The following CLEC2A variants were observed in gnomAD, a reference collection of about 807,000 sequenced individuals.
The protein encoded by CLEC2A is keratinocyte-associated C-type lectin.
CLEC2A carries 19 observed loss-of-function variants against 18.6 expected under a neutral mutation model. The ratio of observed to expected loss-of-function variants is 1.02; its 90% CI spans 0.71 to 1.50. The LOEUF (loss-of-function observed/expected upper bound fraction) is 1.50, where lower values mean the gene tolerates loss of function less well. Ranked by LOEUF, CLEC2A falls within the 40% of genes most tolerant of loss-of-function variation. The probability of loss-of-function intolerance (pLI) is 0.00; values close to 1 mark genes in which losing one functional copy is unlikely to be tolerated. For missense variants in CLEC2A, 190 were observed against 207.9 expected (o/e 0.91, Z 0.53); for synonymous variants, 74 against 64.0 (o/e 1.16, Z -0.75).
the CLEC2A span, among the ~76,000 whole-genome samples, chr12:9,884,442 T>G: frequency 6.6e-6 from 1 of 151,642 alleles, no homozygotes; most frequent in African/African-American, 2.4e-5. Context: ...TAATAGAATT[T>G]TAATAAATAT....
rs499538 is a variant in CLEC2A at position 9,921,949 on chromosome 12, C to T, written c.306+117G>A. On this transcript the variant is annotated intron_variant, in intron 3 of 4. Coordinates refer to ENST00000455827, the MANE Select transcript of CLEC2A (RefSeq NM_001130711.2). ...TAATCCAGGTATAAGTGAACCCACACAGTTCAAACCCATGTTGTTCAAGGA... is the reference window on the plus strand; with the variant it reads ...TAATCCAGGTATAAGTGAACCCACATAGTTCAAACCCATGTTGTTCAAGGA... 76,674 of 863,144 alleles carry T rather than the reference C, an allele frequency of 0.089. 5,023 individuals carry two copies. The highest frequency in any genetic ancestry group is 0.29 in the South Asian group (11,811 of 40,066). 53.5% of individuals were successfully genotyped at this position (863,144 alleles called of 1,614,324 possible). A position where few individuals can be genotyped will look rare whatever the true frequency, so the allele number is the denominator to read the frequency against.
intron 4 of CLEC2A, among the ~76,000 whole-genome samples, chr12:9,903,018 A>G (rs1024331470): frequency 2.0e-5 from 3 of 152,188 alleles, no homozygotes; most frequent in Non-Finnish European, 4.4e-5. Context: ...TGAGGCTGAG[A>G]CATGTCTGGG....
chr12:9,928,698 ATACT>A (rs773397855), intron 1 of CLEC2A, among the ~76,000 whole-genome samples: 31 of 152,246 alleles, frequency 2.0e-4, no homozygotes, highest in Admixed American at 3.3e-4. Context: ...TCTTGAACAA[ATACT>A]TACAGAAGAA....
At chr12:9,877,842 T>C in the CLEC2A span, among the ~76,000 whole-genome samples, 8 of 152,298 alleles carry the variant, frequency 5.3e-5, no homozygotes, top group East Asian at 7.7e-4. Context: ...AATGAATCAA[T>C]ATACGAATGA....
chr12:9,932,038 T>C (rs1373126788), intron 1 of CLEC2A, among the ~76,000 whole-genome samples: 2 of 152,218 alleles, frequency 1.3e-5, no homozygotes, highest in Non-Finnish European at 2.9e-5. Context: ...TGAGATATAA[T>C]ACACGTACCA....
At chr12:9,912,432 A>C (rs1383856765), downstream of CLEC2A, among the ~76,000 whole-genome samples, 1 of 152,082 alleles carries the variant, frequency 6.6e-6, no homozygotes, top group East Asian at 1.9e-4. Flanking sequence ...GTTTGGGGGC[A>C]TGTTTCCCCC....
At chr12:9,908,982 C>T (rs1565528908), downstream of CLEC2A, among the ~76,000 whole-genome samples, 1 of 152,122 alleles carries the variant, frequency 6.6e-6, no homozygotes, top group Non-Finnish European at 1.5e-5. Context: ...CTCACATATA[C>T]CTTTTGAGTT....
At chr12:9,910,831 G>A (rs1862973902), downstream of CLEC2A, among the ~76,000 whole-genome samples, 1 of 152,178 alleles carries the variant, frequency 6.6e-6, no homozygotes, top group South Asian at 2.1e-4. Flanking sequence ...CGCAACGAGA[G>A]AGTGTGACGC....
the CLEC2A span, among the ~76,000 whole-genome samples, chr12:9,879,872 G>A: frequency 3.3e-4 from 50 of 152,328 alleles, no homozygotes; most frequent in African/African-American, 1.2e-3. Flanking sequence ...GGCAAGGCCT[G>A]AACAGTTCCA....
At chr12:9,892,762 T>G in the CLEC2A span, among the ~76,000 whole-genome samples, 2 of 151,896 alleles carry the variant, frequency 1.3e-5, no homozygotes, top group Admixed American at 6.6e-5. Flanking sequence ...TTTTGTATTT[T>G]TAGTAGAGAC....
chr12:9,923,957 C>G (rs1863220287), intron 2 of CLEC2A, among the ~76,000 whole-genome samples: 1 of 151,518 alleles, frequency 6.6e-6, no homozygotes, highest in Non-Finnish European at 1.5e-5. Context: ...GGGATAGCCC[C>G]CCTGTCGTGG....
At position 9,916,708 on chromosome 12, in the gene CLEC2A, G is replaced by A; in HGVS notation, c.402C>T (p.Phe134=). 1 of 1,539,150 alleles carries A rather than the reference G, an allele frequency of 6.5e-7. No homozygotes were observed. The highest frequency in any genetic ancestry group is 8.8e-7 in the Non-Finnish European group (1 of 1,135,510). The stretch of plus-strand genomic sequence containing the variant: ...ATACATTGGAAACTCACCAACCATT[G>A]AATGTGGTGCCATTTGTCCATTTCC... The part of the protein sequence containing the change: ...DSWKWTNGTT[F]NGWFEIIGNG... Residue 134 remains phenylalanine, a synonymous_variant, in exon 4 of 5, where the codon TTC becomes TTT. Transcript: ENST00000455827.
At chr12:9,900,181 T>C (rs111263419) in intron 4 of CLEC2A, among the ~76,000 whole-genome samples, 227 of 152,308 alleles carry the variant, frequency 1.5e-3, no homozygotes, top group African/African-American at 5.3e-3. Context: ...TTTATTCCCA[T>C]CACTTGGCAG....
the CLEC2A span, chr12:9,892,965 T>C: frequency 1.1e-3 from 1,517 of 1,343,864 alleles, 16 homozygotes; most frequent in African/African-American, 0.02. Context: ...ATAATATTTC[T>C]ATCTTCCCTG....
In CLEC2A at chr12:9,932,346, A is replaced by C. The variant is rs984856179; in HGVS notation, c.-17T>G. 1 of 1,551,706 alleles carries C rather than the reference A, an allele frequency of 6.4e-7. No individual in the cohort carries two copies. Among genetic ancestry groups the C allele is most frequent in the Non-Finnish European group, 8.7e-7 (1 of 1,146,848 alleles). On this transcript the variant is annotated 5_prime_UTR_variant, in exon 1 of 5. Coordinates refer to ENST00000455827, the MANE Select transcript of CLEC2A (RefSeq NM_001130711.2). ...ATTAATCATGGCAAGGCGCTAACCG[A>C]TGGAGATCAGTAGGAGAGGACTAGA...
At chr12:9,919,981 G>T (rs1024340772) in intron 3 of CLEC2A, among the ~76,000 whole-genome samples, 1 of 152,180 alleles carries the variant, frequency 6.6e-6, no homozygotes, top group Non-Finnish European at 1.5e-5. Context: ...GTGCCGTGCT[G>T]GGGGACCACT....
chr12:9,903,860 A>G (rs1862869954), intron 4 of CLEC2A, among the ~76,000 whole-genome samples: 1 of 152,222 alleles, frequency 6.6e-6, no homozygotes, highest in South Asian at 2.1e-4. Flanking sequence ...TGGCATCTAT[A>G]TAAACATGAG....
At chr12:9,889,699 T>A in the CLEC2A span, among the ~76,000 whole-genome samples, 1 of 151,778 alleles carries the variant, frequency 6.6e-6, no homozygotes, top group Non-Finnish European at 1.5e-5. Context: ...CACACATATA[T>A]ACATATATGT....
At chr12:9,919,658 G>A (rs778828845) in intron 3 of CLEC2A, among the ~76,000 whole-genome samples, 1 of 152,200 alleles carries the variant, frequency 6.6e-6, no homozygotes, top group Non-Finnish European at 1.5e-5. Flanking sequence ...ACAAGGAGAT[G>A]GGCACTCATG....
Sources: gnomAD v4.1 joint callset for allele counts (sites outside exome capture counted in the v4.1 genomes callset) on GRCh38, gnomAD v4.1.1 for gene constraint, MANE v1.5 for transcripts, NCBI Gene and HGNC (gene_info 2026-07-23, HGNC 2026-07-21) for gene names.